Variants in RXFP2 observed in about 807,000 individuals in gnomAD.
RXFP2 encodes relaxin family peptide receptor 2.
RXFP2 carries 68 observed loss-of-function variants against 88.6 expected under a neutral mutation model. The observed-to-expected ratio is 0.77, with a 90% CI of 0.63 to 0.94. The LOEUF (loss-of-function observed/expected upper bound fraction) is 0.94. RXFP2 is among the 40% of genes least tolerant of loss of function. The probability of loss-of-function intolerance (pLI) is 0.00; values close to 1 mark genes in which losing one functional copy is unlikely to be tolerated. For missense variants in RXFP2, 791 were observed against 893.9 expected, an observed-to-expected ratio of 0.88 and a Z score of 1.47; for synonymous variants, 329 against 306.8, an observed-to-expected ratio of 1.07 and a Z score of -0.76.
chr13:31,742,809 T>C (rs1314414534), intron 1 of RXFP2, among the ~76,000 whole-genome samples: 1 of 152,218 alleles, frequency 6.6e-6, no homozygotes, highest in Admixed American at 6.5e-5. Flanking sequence ...TAGCAAAGAA[T>C]GATTTTGTAT....
At chr13:31,784,545 T>C (rs535041348) in intron 11 of RXFP2, among the ~76,000 whole-genome samples, 130 of 152,280 alleles carry the variant, frequency 8.5e-4, no homozygotes, top group African/African-American at 2.0e-3. Flanking sequence ...CATCATCATA[T>C]TGCTTTATTG....
intron 5 of RXFP2, among the ~76,000 whole-genome samples, chr13:31,768,857 C>T (rs182486983): frequency 1.5e-4 from 23 of 152,304 alleles, no homozygotes; most frequent in African/African-American, 5.3e-4. Context: ...TGTCCATCTA[C>T]TCTTACCTTT....
At chr13:31,759,168 C>T (rs187696834) in intron 2 of RXFP2, among the ~76,000 whole-genome samples, 259 of 151,758 alleles carry the variant, frequency 1.7e-3, no homozygotes, top group Non-Finnish European at 2.9e-3. Flanking sequence ...ACACAGTGAG[C>T]TCAAGGGAGA....
intron 5 of RXFP2, among the ~76,000 whole-genome samples, chr13:31,771,257 G>A (rs140615203): frequency 9.2e-5 from 14 of 152,280 alleles, no homozygotes; most frequent in African/African-American, 2.6e-4. Flanking sequence ...ATCACAGAGC[G>A]GTACCAGTCT....
intron 5 of RXFP2, among the ~76,000 whole-genome samples, chr13:31,774,032 G>A (rs1213335772): frequency 1.3e-5 from 2 of 152,170 alleles, no homozygotes; most frequent in Admixed American, 1.3e-4. Flanking sequence ...GTACTATTAA[G>A]TTGCTTCAGA....
chr13:31,776,097 TTTTCTTTTCTTTC>T (rs1440822980), intron 7 of RXFP2, among the ~76,000 whole-genome samples: 4 of 112,824 alleles, frequency 3.5e-5, no homozygotes, highest in East Asian at 2.3e-4. Context: ...TCTTTCTTTC[TTTTCTTTTCTTTC>T]TTTCTTTCTT....
rs1872543238 is a variant in RXFP2 at position 31,766,175 on chromosome 13, G to A, written c.497+148G>A. ...ATTAAGATTAGAAAATAAAACATTT[G>A]AAAGTATGTTATCTTTCCATTTCAT... is the stretch of plus-strand genomic sequence containing the variant. On this transcript the variant is annotated intron_variant, in intron 5 of 17. Transcript: ENST00000298386. 3 of 601,750 alleles carry A rather than the reference G, an allele frequency of 5.0e-6. No individual in the cohort carries two copies. In the East Asian group the frequency reaches 8.7e-5, roughly 17 times the overall value. The allele number at this position is 601,750 out of a possible 1,614,324, so 37.3% of individuals were successfully genotyped here. A position where few individuals can be genotyped will look rare whatever the true frequency, so the allele number is the denominator to read the frequency against.
At chr13:31,783,564 A>G (rs572780295) in intron 11 of RXFP2, among the ~76,000 whole-genome samples, 11 of 152,256 alleles carry the variant, frequency 7.2e-5, no homozygotes, top group Non-Finnish European at 1.6e-4. Flanking sequence ...AGGTAATTCA[A>G]TCTAATTAAT....
At chr13:31,752,469 A>G (rs542578445) in intron 1 of RXFP2, among the ~76,000 whole-genome samples, 27 of 152,246 alleles carry the variant, frequency 1.8e-4, no homozygotes, top group African/African-American at 5.8e-4. Context: ...TTCTGAATAT[A>G]ACGATTGATG....
chr13:31,775,613 A>T (rs928559204), intron 7 of RXFP2, among the ~76,000 whole-genome samples: 1 of 152,158 alleles, frequency 6.6e-6, no homozygotes, highest in African/African-American at 2.4e-5. Flanking sequence ...GCCTCTACCC[A>T]CTAGATGCCT....
chr13:31,774,394 A>G (rs1370229142), intron 5 of RXFP2, among the ~76,000 whole-genome samples: 1 of 152,202 alleles, frequency 6.6e-6, no homozygotes, highest in South Asian at 2.1e-4. Flanking sequence ...ACTGGAGTTC[A>G]GCGTATGAAT....
chr13:31,801,613 A>G, intron 17 of RXFP2, among the ~76,000 whole-genome samples: 1 of 152,168 alleles, frequency 6.6e-6, no homozygotes, highest in East Asian at 1.9e-4. Context: ...GTAGGGCTGC[A>G]CACAAGAGAA....
chr13:31,789,862 GGGA>G (rs1873716043), intron 14 of RXFP2, among the ~76,000 whole-genome samples: 1 of 152,130 alleles, frequency 6.6e-6, no homozygotes, highest in African/African-American at 2.4e-5. Context: ...GTGCTCTTTT[GGGA>G]GAACATTTTG....
chr13:31,761,760 T>A lies in RXFP2; in HGVS notation c.278T>A (p.Val93Glu), dbSNP rs745375797. The change falls in exon 3 of 18, where the codon GTG becomes GAG. Residue 93 changes from valine (V) to glutamate (E), a missense_variant. By Grantham distance (121) the Val-to-Glu change is moderately radical. Transcript: ENST00000298386. ...TSGWATIFGT[V>E]HGNANSVALT... ...GGATGGGCGACCATATTTGGCACAG[T>A]GCATGGAAATGCTAACAGCGTGGCC... 21 of 1,613,368 alleles carry A rather than the reference T, an allele frequency of 1.3e-5. No homozygotes were observed. The highest frequency in any genetic ancestry group is 1.7e-5 in the Non-Finnish European group (20 of 1,179,336).
chr13:31,764,259 AC>A (rs1566221230), intron 3 of RXFP2, among the ~76,000 whole-genome samples: 1 of 147,594 alleles, frequency 6.8e-6, no homozygotes, highest in African/African-American at 2.5e-5. Context: ...ACACACACAC[AC>A]ACACACACAC....
At chr13:31,795,679 C>T (rs991793681) in intron 16 of RXFP2, among the ~76,000 whole-genome samples, 4 of 151,948 alleles carry the variant, frequency 2.6e-5, no homozygotes, top group Non-Finnish European at 5.9e-5. Flanking sequence ...GTATTTTTAC[C>T]CTAGACTTCA....
intron 14 of RXFP2, among the ~76,000 whole-genome samples, chr13:31,790,552 T>C (rs1397919185): frequency 1.3e-5 from 2 of 152,170 alleles, no homozygotes; most frequent in Non-Finnish European, 2.9e-5. Context: ...ATTTGTTGAG[T>C]ACCTACACGT....
chr13:31,784,011 G>A (rs1317732874), intron 11 of RXFP2, among the ~76,000 whole-genome samples: 3 of 69,658 alleles, frequency 4.3e-5, no homozygotes, highest in Non-Finnish European at 9.3e-5. Flanking sequence ...ATTTTTAGTA[G>A]AGACAGGGTT....
chr13:31,801,306 C>CA (rs1874330126), intron 17 of RXFP2, among the ~76,000 whole-genome samples: 2 of 151,626 alleles, frequency 1.3e-5, no homozygotes, highest in African/African-American at 4.8e-5. Flanking sequence ...GTCTTAGTAC[C>CA]AAAAAAGCAC....
Sources: allele counts gnomAD v4.1 joint callset (sites outside exome capture counted in the v4.1 genomes callset), GRCh38; gene constraint gnomAD v4.1.1; transcripts MANE v1.5; gene names NCBI Gene and HGNC (gene_info 2026-07-23, HGNC 2026-07-21).